FOXP2: variants seen among roughly 807,000 people sequenced by gnomAD.
FOXP2 encodes forkhead box P2.
FOXP2 carries 12 observed loss-of-function variants against 115.8 expected under a neutral mutation model. The observed-to-expected ratio is 0.10, with a 90% CI of 0.07 to 0.17. FOXP2 has a LOEUF of 0.17. FOXP2 is among the 10% of genes least tolerant of loss of function. The pLI is 1.00. For missense variants in FOXP2, 629 were observed against 843.5 expected, an observed-to-expected ratio of 0.75 and a Z score of 3.15; for synonymous variants, 328 against 297.7, an observed-to-expected ratio of 1.10 and a Z score of -1.05.
At chr7:114,675,012 T>C (rs1269448184) in intron 16 of FOXP2, among the ~76,000 whole-genome samples, 3 of 152,144 alleles carry the variant, frequency 2.0e-5, no homozygotes, top group Admixed American at 2.0e-4. Context: ...TATTAGCTTT[T>C]TTCTGTGATA....
intron 2 of FOXP2, among the ~76,000 whole-genome samples, chr7:114,356,740 C>G (rs557195405): frequency 6.6e-6 from 1 of 152,066 alleles, no homozygotes; most frequent in Non-Finnish European, 1.5e-5. Flanking sequence ...TTAGTCAAGG[C>G]TAAGGAATGA....
chr7:114,531,142 C>A (rs1799123004), intron 2 of FOXP2, among the ~76,000 whole-genome samples: 1 of 151,726 alleles, frequency 6.6e-6, no homozygotes, highest in African/African-American at 2.4e-5. Flanking sequence ...ACATTGGAAA[C>A]AGACTCAATC....
At chr7:114,344,350 A>T (rs1002152188) in intron 2 of FOXP2, among the ~76,000 whole-genome samples, 3 of 151,834 alleles carry the variant, frequency 2.0e-5, no homozygotes, top group African/African-American at 7.2e-5. Context: ...ACAAAATGAC[A>T]TGTTACAAAG....
intron 2 of FOXP2, among the ~76,000 whole-genome samples, chr7:114,349,713 G>T (rs1791434726): frequency 6.6e-6 from 1 of 151,668 alleles, no homozygotes; most frequent in South Asian, 2.1e-4. Context: ...CTTCACTTAT[G>T]TATTAGCATG....
intron 1 of FOXP2, among the ~76,000 whole-genome samples, chr7:114,132,730 G>T (rs1400746862): frequency 6.6e-6 from 1 of 151,994 alleles, no homozygotes; most frequent in Non-Finnish European, 1.5e-5. Flanking sequence ...TAAGGCAGAA[G>T]GAATGGCAAG....
At chr7:114,493,892 C>T (rs565109296) in intron 2 of FOXP2, among the ~76,000 whole-genome samples, 4 of 150,736 alleles carry the variant, frequency 2.7e-5, no homozygotes, top group African/African-American at 9.8e-5. Context: ...TCTTTTCTGA[C>T]AGGATGTTAC....
intron 2 of FOXP2, among the ~76,000 whole-genome samples, chr7:114,350,486 C>T (rs1562882238): frequency 3.3e-5 from 5 of 152,220 alleles, no homozygotes; most frequent in African/African-American, 9.6e-5. Context: ...TGGTATGAGT[C>T]TGTCTTGTCT....
intron 2 of FOXP2, among the ~76,000 whole-genome samples, chr7:114,340,915 T>C (rs571591656): frequency 6.6e-6 from 1 of 151,276 alleles, no homozygotes; most frequent in South Asian, 2.1e-4. Flanking sequence ...CATATTTTCA[T>C]TTTAATTAAG....
chr7:114,553,734 G>T (rs1208313403), intron 3 of FOXP2, among the ~76,000 whole-genome samples: 2 of 152,040 alleles, frequency 1.3e-5, no homozygotes, highest in African/African-American at 4.8e-5. Flanking sequence ...ATAAAAACAA[G>T]CTGGATCCTT....
chr7:114,558,558 T>C (rs1800581984), intron 3 of FOXP2, among the ~76,000 whole-genome samples: 1 of 152,204 alleles, frequency 6.6e-6, no homozygotes, highest in Non-Finnish European at 1.5e-5. Flanking sequence ...TTTGACTTTA[T>C]GGGACTGTCT....
intron 3 of FOXP2, among the ~76,000 whole-genome samples, chr7:114,552,204 A>G (rs1800242149): frequency 6.6e-6 from 1 of 152,216 alleles, no homozygotes; most frequent in Non-Finnish European, 1.5e-5. Context: ...CTTTAGGACC[A>G]TGGAAAAGCA....
chr7:114,625,048 A>C (rs964142632), intron 3 of FOXP2, among the ~76,000 whole-genome samples: 1 of 151,626 alleles, frequency 6.6e-6, no homozygotes, highest in Non-Finnish European at 1.5e-5. Context: ...ACAGAGCAGC[A>C]TGTCGGGTTT....
At chr7:114,331,495 G>C (rs1039850820) in intron 2 of FOXP2, among the ~76,000 whole-genome samples, 1 of 152,086 alleles carries the variant, frequency 6.6e-6, no homozygotes, top group Non-Finnish European at 1.5e-5. Context: ...TAATATTCTT[G>C]GCTAGTGTGC....
intron 2 of FOXP2, among the ~76,000 whole-genome samples, chr7:114,510,720 G>C (rs936735488): frequency 1.3e-5 from 2 of 152,130 alleles, no homozygotes; most frequent in Non-Finnish European, 2.9e-5. Context: ...ATGCTGGAGA[G>C]GATGTGGAGA....
At chr7:114,338,126 A>G (rs1797904366) in intron 2 of FOXP2, among the ~76,000 whole-genome samples, 6 of 151,166 alleles carry the variant, frequency 4.0e-5, no homozygotes, top group Admixed American at 4.0e-4. Flanking sequence ...CTTAAAATAT[A>G]GTTTTATTAT....
At chr7:114,299,465 T>A (rs1427186334) in intron 2 of FOXP2, among the ~76,000 whole-genome samples, 1 of 151,962 alleles carries the variant, frequency 6.6e-6, no homozygotes, top group Admixed American at 6.6e-5. Context: ...GATAATCCTA[T>A]TCTTTTGCCA....
chr7:114,286,327 C>T (rs1327099963), intron 1 of FOXP2, among the ~76,000 whole-genome samples: 1 of 151,832 alleles, frequency 6.6e-6, no homozygotes, highest in East Asian at 1.9e-4. Context: ...CATTTTTGAA[C>T]TTTACTTTGA....
chr7:114,663,578 G>A lies in FOXP2; in HGVS notation c.1839+59G>A, dbSNP rs558850638. On this transcript the variant is annotated intron_variant, in intron 15 of 16. Transcript: ENST00000350908. ...TGTTTAGGGCTTTTTTTTTTTTTTT[G>A]GCATGTCTTTGTATTTAGGTGAGAT... 50 of 944,396 alleles carry A rather than the reference G, an allele frequency of 5.3e-5. No homozygotes were observed. The East Asian group carries it at 1.3e-3, about 25-fold the overall frequency. The allele number at this position is 944,396 out of a possible 1,614,324, so 58.5% of individuals were successfully genotyped here.
chr7:114,449,088 G>T (rs1186565692), intron 2 of FOXP2, among the ~76,000 whole-genome samples: 4 of 151,940 alleles, frequency 2.6e-5, no homozygotes, highest in Admixed American at 2.0e-4. Flanking sequence ...CCACAGCATT[G>T]TTGTGAGAAC....
Sources: allele counts gnomAD v4.1 joint callset (sites outside exome capture counted in the v4.1 genomes callset), GRCh38; gene constraint gnomAD v4.1.1; transcripts MANE v1.5; gene names NCBI Gene and HGNC (gene_info 2026-07-23, HGNC 2026-07-21).